ADGRV1: variants seen among roughly 807,000 people sequenced by gnomAD.
ADGRV1 encodes adhesion G protein-coupled receptor V1.
A neutral mutation model predicts 596.2 loss-of-function variants in ADGRV1; 359 were observed. The ratio of observed to expected loss-of-function variants is 0.60; its 90% CI spans 0.55 to 0.66. ADGRV1 has a LOEUF of 0.66. Ranked by LOEUF, ADGRV1 falls within the 30% of genes least tolerant of loss-of-function variation. The pLI, the probability that ADGRV1 is intolerant of heterozygous loss-of-function variation, is 0.00. For missense variants in ADGRV1, 7,274 were observed against 7,575.6 expected (o/e 0.96, Z 1.48); for synonymous variants, 2,681 against 2,679.2 (o/e 1.00, Z -0.02).
Position 91,035,861 on chromosome 5 carries a change from T to TATAATATATATATATATA in ADGRV1, c.18153-36586_18153-36585insATAATATATATATATATA. On this transcript the variant is annotated intron_variant, in intron 85 of 89. Transcript: ENST00000405460. ...ATGAGTGTGTATATATATATATATA[T>TATAATATATATATATATA]TATATATATATATATATATATCTTA... Among the ~76,000 whole-genome samples, 186 of 96,368 alleles carry TATAATATATATATATATA rather than the reference T, an allele frequency of 1.9e-3. 13 individuals carry two copies. Among genetic ancestry groups the TATAATATATATATATATA allele is most frequent in the South Asian group, 0.011 (32 of 2,844 alleles). The allele number at this position is 96,368 out of a possible 152,430, so 63.2% of individuals were successfully genotyped here.
At chr5:90,747,007 G>A (rs1754698491) in intron 52 of ADGRV1, among the ~76,000 whole-genome samples, 1 of 152,192 alleles carries the variant, frequency 6.6e-6, no homozygotes, top group Admixed American at 6.5e-5. Flanking sequence ...ATCTGATGGT[G>A]ATGAGTGTAC....
intron 84 of ADGRV1, among the ~76,000 whole-genome samples, chr5:90,978,973 TG>T (rs945841955): frequency 2.6e-5 from 4 of 152,140 alleles, no homozygotes; most frequent in Non-Finnish European, 4.4e-5. Flanking sequence ...ACAATTGTTT[TG>T]GGTATTATAT....
chr5:91,153,350 G>A lies in ADGRV1; in HGVS notation c.18754G>A (p.Asp6252Asn), dbSNP rs201800819. The change falls in exon 89 of 90, where the codon GAT (aspartate) becomes AAT (asparagine). Residue 6252 changes from aspartate to asparagine, a missense_variant. Asp to Asn is a conservative substitution (Grantham distance 23). This residue lies in a region of ADGRV1 where 1,874 missense variants were observed against 1,970.2 expected (regional missense o/e 0.95). Coordinates refer to ENST00000405460, the MANE Select transcript of ADGRV1 (RefSeq NM_032119.4). ...GGYGQGSLIA[D>N]EESQEFDDLI... ...ATATGGCCAGGGGTCACTGATAGCC[G>A]ATGAGGAGTCCCAGGAGTTTGATGA... 3.0e-4 allele frequency: 481 copies of A among 1,611,832 alleles called. No individual in the cohort carries two copies. Among genetic ancestry groups the A allele is most frequent in the East Asian group, 6.5e-4 (29 of 44,870 alleles).
At position 90,667,835 on chromosome 5, in the gene ADGRV1, A is replaced by AC. The variant is rs565183921; in HGVS notation, c.4753-4708dup. ...GTTAGTTTTCCTTCTAACAGACAGG[A>AC]CCCTCAGCTGCAGGGCTGTTGGAGT... On this transcript the variant is annotated intron_variant, in intron 21 of 89. Coordinates refer to ENST00000405460, the MANE Select transcript of ADGRV1 (RefSeq NM_032119.4). 1.9e-3 allele frequency among the ~76,000 whole-genome samples: 282 copies of AC among 152,088 alleles called. 2 individuals are homozygous for AC. The highest frequency in any genetic ancestry group is 6.4e-3 in the African/African-American group (266 of 41,464).
chr5:90,953,934 T>G (rs866448623), intron 83 of ADGRV1, among the ~76,000 whole-genome samples: 24 of 152,074 alleles, frequency 1.6e-4, no homozygotes, highest in Admixed American at 7.2e-4. Context: ...GGCATGTGTT[T>G]TATTTTTAAA....
intron 50 of ADGRV1, among the ~76,000 whole-genome samples, chr5:90,738,417 T>C (rs983282000): frequency 1.3e-5 from 2 of 152,122 alleles, no homozygotes; most frequent in African/African-American, 4.8e-5. Flanking sequence ...TCTTTAAATT[T>C]TCTCATGTTT....
chr5:90,913,664 G>T (rs1773097077), intron 83 of ADGRV1, among the ~76,000 whole-genome samples: 1 of 152,100 alleles, frequency 6.6e-6, no homozygotes, highest in Non-Finnish European at 1.5e-5. Flanking sequence ...CATAGGCCTA[G>T]TTTATCATAA....
rs756414393 is a variant in ADGRV1, at chr5:90,653,548, C to T, written c.3974C>T (p.Thr1325Met). The T allele has an allele frequency of 7.0e-5, 113 of 1,613,794 alleles. No individual in the cohort carries two copies. Among genetic ancestry groups the T allele is most frequent in the Non-Finnish European group, 8.1e-5 (95 of 1,179,882 alleles). The stretch of plus-strand genomic sequence containing the variant: ...CACATGCGGCGTCACCACAGTGGAA[C>T]GGATGCTTTGTACTTTACCGGACTA... ...QQHMRRHHSG[T>M]DALYFTGLEG... Residue 1325 changes from threonine (T) to methionine (M), a missense_variant, in exon 20 of 90, where the codon ACG becomes ATG. Transcript: ENST00000405460.
At position 91,099,836 on chromosome 5, in the gene ADGRV1, T is replaced by A. The variant is rs556257814; in HGVS notation, c.18311-2383T>A. ...AAATGAACTAATGAATTTCAATATA[T>A]AGAGATAGATAGAGTAAAACAGATC... is the stretch of plus-strand genomic sequence containing the variant. On this transcript the variant is annotated intron_variant, in intron 86 of 89. Coordinates refer to ENST00000405460, the MANE Select transcript of ADGRV1 (RefSeq NM_032119.4). Among the ~76,000 whole-genome samples the A allele has an allele frequency of 2.0e-5, 3 of 152,152 alleles. No individual in the cohort carries two copies. In the East Asian group the frequency reaches 5.8e-4, roughly 29 times the overall value.
Position 90,753,537 on chromosome 5 carries a change from A to C in ADGRV1, c.11122-37A>C, listed in dbSNP as rs773983844. The C allele has an allele frequency of 2.7e-6, 4 of 1,495,578 alleles. No individual in the cohort carries two copies. In the African/African-American group the frequency reaches 5.6e-5, roughly 21 times the overall value. The allele number at this position is 1,495,578 out of a possible 1,614,324, so 92.6% of individuals were successfully genotyped here. ...ATATTCTTACTACATAGTGACAATT[A>C]CAAAATAAATAACATCTTCTTTCTT... On this transcript the variant is annotated intron_variant, in intron 53 of 89. Coordinates refer to ENST00000405460, the MANE Select transcript of ADGRV1 (RefSeq NM_032119.4).
At chr5:90,743,471 C>CT (rs10942607) in intron 50 of ADGRV1, among the ~76,000 whole-genome samples, 28,829 of 120,854 alleles carry the variant, frequency 0.24, 3,553 homozygotes, top group Middle Eastern at 0.29. Context: ...CATTTGATAT[C>CT]TTTTTTTTTT....
intron 1 of ADGRV1, among the ~76,000 whole-genome samples, chr5:90,561,111 A>T (rs915198754): frequency 1.3e-5 from 2 of 152,278 alleles, no homozygotes; most frequent in African/African-American, 4.8e-5. Flanking sequence ...TTTATATTGG[A>T]TCATGAATTA....
intron 4 of ADGRV1, among the ~76,000 whole-genome samples, chr5:90,619,825 C>A (rs957021386): frequency 6.8e-6 from 1 of 146,464 alleles, no homozygotes; most frequent in African/African-American, 2.5e-5. Context: ...TTGTTCAATT[C>A]CCACCTATGA....
At chr5:90,708,048 A>G (rs895767118) in intron 38 of ADGRV1, among the ~76,000 whole-genome samples, 1 of 152,190 alleles carries the variant, frequency 6.6e-6, no homozygotes, top group Non-Finnish European at 1.5e-5. Flanking sequence ...ACATGACTCC[A>G]TTAAATAAAG....
chr5:90,911,493 A>C (rs1353588245), intron 83 of ADGRV1, among the ~76,000 whole-genome samples: 1 of 152,168 alleles, frequency 6.6e-6, no homozygotes, highest in Non-Finnish European at 1.5e-5. Context: ...TTTCTGTGGA[A>C]ACTAAAAAGC....
chr5:90,685,076 C>T (rs1003403935), intron 28 of ADGRV1, among the ~76,000 whole-genome samples: 1 of 152,082 alleles, frequency 6.6e-6, no homozygotes, highest in Non-Finnish European at 1.5e-5. Context: ...TAATTATACT[C>T]TAATGATTTT....
At chr5:90,955,460 C>T (rs989050804) in intron 83 of ADGRV1, among the ~76,000 whole-genome samples, 1 of 152,084 alleles carries the variant, frequency 6.6e-6, no homozygotes, top group Non-Finnish European at 1.5e-5. Flanking sequence ...CTCAAAATAA[C>T]CCCCAACCTG....
intron 89 of ADGRV1, among the ~76,000 whole-genome samples, chr5:91,162,118 A>G (rs1028112447): frequency 6.6e-6 from 1 of 152,214 alleles, no homozygotes; most frequent in African/African-American, 2.4e-5. Context: ...AGAACAGACC[A>G]GAGGAACAGA....
rs868516297 is a variant in ADGRV1, at chr5:90,815,690, G to A, written c.16150G>A (p.Ala5384Thr). The change falls in exon 75 of 90, where the codon GCT (alanine) becomes ACT (threonine). Residue 5384 changes from alanine to threonine, a missense_variant. Ala to Thr is a moderately conservative substitution (Grantham distance 58, BLOSUM62 0). This residue lies in a region of ADGRV1 where 1,874 missense variants were observed against 1,970.2 expected (regional missense o/e 0.95). Coordinates refer to ENST00000405460, the MANE Select transcript of ADGRV1 (RefSeq NM_032119.4). Reference protein sequence around the residue: ...SQSGLELREGAVMRRLHLIVT... With the variant: ...SQSGLELREGTVMRRLHLIVT... ...GAGTGGACTAGAACTCAGGGAAGGA[G>A]CTGTTATGAGAAGATTGCACCTTAT... 6.3e-7 allele frequency: 1 copy of A among 1,576,194 alleles called. No homozygotes were observed. Among genetic ancestry groups the A allele is most frequent in the East Asian group, 2.3e-5 (1 of 43,300 alleles).
Sources: allele counts gnomAD v4.1 joint callset (sites outside exome capture counted in the v4.1 genomes callset), GRCh38; gene constraint gnomAD v4.1.1; regional missense constraint gnomAD v4.1.1; transcripts MANE v1.5; gene names NCBI Gene and HGNC (gene_info 2026-07-23, HGNC 2026-07-21).